NKIRAS1: variants seen among roughly 807,000 people sequenced by gnomAD.
NKIRAS1 encodes the protein NF-kappa-B inhibitor-interacting Ras-like protein 1.
NKIRAS1 carries 16 observed loss-of-function variants against 19.8 expected under a neutral mutation model. The observed-to-expected ratio is 0.81, with a 90% confidence interval of 0.55 to 1.23. The LOEUF (loss-of-function observed/expected upper bound fraction) is 1.23, where lower values mean the gene tolerates loss of function less well. Ranked by LOEUF, NKIRAS1 falls within the 50% of genes most tolerant of loss-of-function variation. The probability of loss-of-function intolerance (pLI) is 0.00; values close to 1 mark genes in which losing one functional copy is unlikely to be tolerated. For missense variants in NKIRAS1, 184 were observed against 220.0 expected, an observed-to-expected ratio of 0.84 and a Z score of 1.04; for synonymous variants, 88 against 79.0, an observed-to-expected ratio of 1.11 and a Z score of -0.61.
intron 1 of NKIRAS1, among the ~76,000 whole-genome samples, chr3:23,940,566 G>C (rs1705474862): frequency 2.6e-5 from 4 of 152,102 alleles, no homozygotes; most frequent in Admixed American, 2.6e-4. Context: ...GTTTGAATTA[G>C]TGTTTTCTAT....
intron 1 of NKIRAS1, among the ~76,000 whole-genome samples, chr3:23,943,442 G>A (rs1705546538): frequency 6.6e-6 from 1 of 151,944 alleles, no homozygotes; most frequent in South Asian, 2.1e-4. Flanking sequence ...TGTTGGTCAG[G>A]CTGGTCTTGA....
At chr3:23,905,726 A>G (rs1375919663) in intron 3 of NKIRAS1, among the ~76,000 whole-genome samples, 1 of 151,756 alleles carries the variant, frequency 6.6e-6, no homozygotes, top group Non-Finnish European at 1.5e-5. Flanking sequence ...GTTGAAGGCC[A>G]TCATCACTGG....
At chr3:23,899,764 A>G (rs751178191) in intron 4 of NKIRAS1, among the ~76,000 whole-genome samples, 108 of 152,270 alleles carry the variant, frequency 7.1e-4, no homozygotes, top group Non-Finnish European at 1.2e-3. Context: ...TGTAAGGCAT[A>G]TGAATCTTAT....
intron 1 of NKIRAS1, among the ~76,000 whole-genome samples, chr3:23,938,053 G>C (rs1202878341): frequency 6.6e-6 from 1 of 152,056 alleles, no homozygotes; most frequent in Non-Finnish European, 1.5e-5. Flanking sequence ...CTCAAAAATA[G>C]AGTGGAACCA....
intron 3 of NKIRAS1, among the ~76,000 whole-genome samples, chr3:23,906,284 G>C (rs1013819612): frequency 6.6e-6 from 1 of 152,042 alleles, no homozygotes. Flanking sequence ...TAGATTATCT[G>C]ATGGAGCTGA....
chr3:23,934,732 A>C (rs751777349), intron 1 of NKIRAS1, among the ~76,000 whole-genome samples: 3 of 152,222 alleles, frequency 2.0e-5, no homozygotes, highest in Non-Finnish European at 4.4e-5. Flanking sequence ...CACTAACCAC[A>C]ATGGTGATTA....
chr3:23,893,862 A>AT, intron 4 of NKIRAS1, among the ~76,000 whole-genome samples: 1 of 151,764 alleles, frequency 6.6e-6, no homozygotes, highest in African/African-American at 2.4e-5. Flanking sequence ...AAAAAAAAAA[A>AT]ATTAGCTCAG....
Position 23,907,125 on chromosome 3 carries a change from T to C in NKIRAS1, c.94+3686A>G, listed in dbSNP as rs111986891. Among the ~76,000 whole-genome samples, 360 of 152,202 alleles carry C rather than the reference T, an allele frequency of 2.4e-3. 1 individual carries two copies. The highest frequency in any genetic ancestry group is 7.4e-3 in the African/African-American group (308 of 41,542). ...GCCATGCTGGTCTTGAACTCCTGAC[T>C]TCAAGTGATCCGCCTGCCTCGGCCT... On this transcript the variant is annotated intron_variant, in intron 3 of 4. Coordinates refer to ENST00000425478, the MANE Select transcript of NKIRAS1 (RefSeq NM_020345.4).
intron 3 of NKIRAS1, among the ~76,000 whole-genome samples, chr3:23,905,822 A>G (rs1191422408): frequency 1.3e-5 from 2 of 151,170 alleles, no homozygotes; most frequent in Non-Finnish European, 1.5e-5. Flanking sequence ...GGTATAAGCC[A>G]AAAGAAGAAA....
In NKIRAS1 at chr3:23,926,103, T is replaced by G. The variant is rs1389257186; in HGVS notation, c.-139-14653A>C. On this transcript the variant is annotated intron_variant, in intron 1 of 4. Coordinates refer to the NKIRAS1 transcript ENST00000421515. This position sits in a 1 kb window ranked among gnomAD's most constrained non-coding sequence, Gnocchi z 4.3. ...TCTTGCTCTGTCGCCCAGGCTGGAG[T>G]GCAGTGGCACAATCTTGGCTCACTG... Among the ~76,000 whole-genome samples the G allele has an allele frequency of 6.6e-6, 1 of 152,180 alleles. No individual in the cohort carries two copies. The highest frequency in any genetic ancestry group is 1.9e-4 in the East Asian group (1 of 5,196).
At chr3:23,941,950 T>G (rs116708317) in intron 1 of NKIRAS1, among the ~76,000 whole-genome samples, 210 of 150,652 alleles carry the variant, frequency 1.4e-3, no homozygotes, top group African/African-American at 5.0e-3. Context: ...TTATACAATT[T>G]TAAATAGTCT....
At position 23,946,448 on chromosome 3, in the gene NKIRAS1, G is replaced by C. The variant is rs1028508342; in HGVS notation, c.-265C>G. 1.4e-5 allele frequency: 4 copies of C among 279,352 alleles called. No individual in the cohort carries two copies. In the Admixed American group the frequency reaches 1.9e-4, roughly 14 times the overall value. The allele number at this position is 279,352 out of a possible 1,614,324, so 17.3% of individuals were successfully genotyped here. Reference sequence around the variant, plus strand: ...AGGAGCTCTGAGGTGCTTCGATCCCGAGCGACTCCCCGCAGACTGGGTAGC... The same window carrying C: ...AGGAGCTCTGAGGTGCTTCGATCCCCAGCGACTCCCCGCAGACTGGGTAGC... On this transcript the variant is annotated 5_prime_UTR_variant, in exon 1 of 5. Coordinates refer to the NKIRAS1 transcript ENST00000421515.
upstream of NKIRAS1, chr3:23,917,776 A>T: frequency 7.0e-7 from 1 of 1,419,554 alleles, no homozygotes; most frequent in South Asian, 1.4e-5. Flanking sequence ...TTGTTGGGGA[A>T]CTAAGATGGA....
At chr3:23,945,461 A>T in intron 1 of NKIRAS1, 1 of 475,084 alleles carries the variant, frequency 2.1e-6, no homozygotes, top group Non-Finnish European at 2.9e-6. Context: ...TCTGCCCATG[A>T]GGGGGCCCCG....
chr3:23,928,699 A>G (rs935507015), intron 1 of NKIRAS1, among the ~76,000 whole-genome samples: 1 of 151,474 alleles, frequency 6.6e-6, no homozygotes, highest in African/African-American at 2.4e-5. Flanking sequence ...TAAAAAAAAA[A>G]AAAAAAAAAA....
intron 3 of NKIRAS1, among the ~76,000 whole-genome samples, chr3:23,903,606 A>G (rs1702732188): frequency 6.6e-6 from 1 of 152,226 alleles, no homozygotes; most frequent in South Asian, 2.1e-4. Context: ...AGAACAGGAT[A>G]CTAACAAAAA....
At chr3:23,920,468 C>T (rs545989525), upstream of NKIRAS1, 102 of 985,380 alleles carry the variant, frequency 1.0e-4, no homozygotes, top group African/African-American at 1.6e-3. Context: ...AAAGTTGGAC[C>T]ATCACTTGTG....
Position 23,927,201 on chromosome 3 carries a change from C to T in NKIRAS1, c.-139-15751G>A, listed in dbSNP as rs1042878799. ...TAAAGCCTTTTAGTATAAAATGCTG[C>T]TCAAGTTTTCTTTAGAAAAAGAAGA... is the stretch of plus-strand genomic sequence containing the variant. On this transcript the variant is annotated intron_variant, in intron 1 of 4. Coordinates refer to the NKIRAS1 transcript ENST00000421515. The surrounding 1 kb of genome is among the most constrained non-coding windows in gnomAD (Gnocchi z 4.0). 3.3e-5 allele frequency among the ~76,000 whole-genome samples: 5 copies of T among 152,112 alleles called. No homozygotes were observed. The highest frequency in any genetic ancestry group is 3.3e-4 in the Admixed American group (5 of 15,274).
chr3:23,929,457 C>T (rs796701297), intron 1 of NKIRAS1, among the ~76,000 whole-genome samples: 2 of 152,180 alleles, frequency 1.3e-5, no homozygotes, highest in East Asian at 1.9e-4. Flanking sequence ...GACAGGGTCT[C>T]GCTCTGTCAC....
Sources: allele counts gnomAD v4.1 joint callset (sites outside exome capture counted in the v4.1 genomes callset), GRCh38; gene constraint gnomAD v4.1.1; non-coding constraint Gnocchi (gnomAD v3.1); transcripts MANE v1.5; gene names NCBI Gene and HGNC (gene_info 2026-07-23, HGNC 2026-07-21).